Variants in EYS observed in about 807,000 individuals in gnomAD.
EYS encodes the protein protein eyes shut homolog.
Under a neutral mutation model 282.1 loss-of-function variants are expected in EYS, and 250 were observed. The observed-to-expected ratio is 0.89, with a 90% CI of 0.80 to 0.98. The LOEUF (loss-of-function observed/expected upper bound fraction) is 0.98, where lower values mean the gene tolerates loss of function less well. Among genes scored for constraint, EYS ranks in the 50% least tolerant of loss-of-function variants. EYS has a pLI of 0.00. For synonymous variants in EYS, 1,355 were observed against 1,282.9 expected (o/e 1.06, Z -1.20); for missense variants, 4,016 against 3,709.0 (o/e 1.08, Z -2.15).
chr6:64,550,314 T>C lies in EYS; in HGVS notation c.5644+39909A>G, dbSNP rs553879804. Among the ~76,000 whole-genome samples the C allele has an allele frequency of 7.2e-5, 11 of 152,330 alleles. No individual in the cohort carries two copies. The South Asian group carries it at 1.5e-3, about 20-fold the overall frequency. On this transcript the variant is annotated intron_variant, in intron 26 of 42. Transcript: ENST00000503581. ...CTAGATCCCTGAGGAATCGCCACTC[T>C]GACTTCCATAATGGTTGAACTTGTT...
intron 7 of EYS, among the ~76,000 whole-genome samples, chr6:65,395,431 A>T (rs1766244179): frequency 6.6e-6 from 1 of 152,178 alleles, no homozygotes; most frequent in African/African-American, 2.4e-5. Flanking sequence ...GTACAAATTT[A>T]AAGTGTAAAG....
rs201026865 is a variant in EYS at position 65,603,230 on chromosome 6, CT to C, written c.-333+36547del. ...CAGACAAATAAACACATGCATATAA[CT>C]TAGAGCTACAGGAATCCTAGTGTAA... On this transcript the variant is annotated intron_variant, in intron 2 of 42. Coordinates refer to ENST00000503581, the MANE Select transcript of EYS (RefSeq NM_001142800.2). Among the ~76,000 whole-genome samples the C allele has an allele frequency of 7.3e-3, 1,106 of 152,018 alleles. 11 individuals carry two copies. Among genetic ancestry groups the C allele is most frequent in the African/African-American group, 0.024 (981 of 41,520 alleles).
intron 12 of EYS, among the ~76,000 whole-genome samples, chr6:65,159,717 C>G (rs917609736): frequency 6.6e-6 from 1 of 150,850 alleles, no homozygotes; most frequent in Non-Finnish European, 1.5e-5. Context: ...TATACTCACT[C>G]ATATTAAGTT....
At chr6:64,889,652 T>C (rs1308496623) in intron 18 of EYS, among the ~76,000 whole-genome samples, 6 of 152,020 alleles carry the variant, frequency 3.9e-5, no homozygotes, top group African/African-American at 7.2e-5. Flanking sequence ...TAAACATAAA[T>C]TGTGAAGATT....
intron 19 of EYS, among the ~76,000 whole-genome samples, chr6:64,823,440 G>T (rs921840622): frequency 2.6e-5 from 4 of 151,708 alleles, no homozygotes; most frequent in Non-Finnish European, 4.4e-5. Flanking sequence ...AGAAAACACC[G>T]AGATGATAAC....
At chr6:64,786,539 C>T (rs1470749415) in intron 22 of EYS, among the ~76,000 whole-genome samples, 1 of 152,102 alleles carries the variant, frequency 6.6e-6, no homozygotes, top group Non-Finnish European at 1.5e-5. Context: ...TTGCCAGCAA[C>T]ATGTGGGGCA....
At chr6:64,158,088 T>C (rs951189892) in intron 31 of EYS, among the ~76,000 whole-genome samples, 4 of 152,174 alleles carry the variant, frequency 2.6e-5, no homozygotes, top group African/African-American at 9.7e-5. Flanking sequence ...ACCCACCCCT[T>C]GCATCAGTGT....
chr6:64,889,389 T>A (rs985736434), intron 18 of EYS, among the ~76,000 whole-genome samples: 23 of 152,090 alleles, frequency 1.5e-4, no homozygotes, highest in Non-Finnish European at 2.8e-4. Context: ...TGAAGATACA[T>A]GAAAGGATTC....
rs536030570 is a variant in EYS at position 64,857,219 on chromosome 6, G to A, written c.2992+29478C>T. On this transcript the variant is annotated intron_variant, in intron 19 of 42. Transcript: ENST00000503581. ...GATCCTTTTATCTAATACATGCACT[G>A]AATGCCATACATTTCCCTATAGGTA... 5.1e-4 allele frequency among the ~76,000 whole-genome samples: 78 copies of A among 152,220 alleles called. 1 individual carries two copies. The highest frequency in any genetic ancestry group is 1.8e-3 in the African/African-American group (75 of 41,548).
chr6:65,592,596 G>A (rs964101883), intron 2 of EYS, among the ~76,000 whole-genome samples: 42 of 151,812 alleles, frequency 2.8e-4, no homozygotes, highest in African/African-American at 8.9e-4. Flanking sequence ...AGGGGTAAAC[G>A]CCACTATTCT....
chr6:65,445,572 T>A (rs1768622340), intron 5 of EYS, among the ~76,000 whole-genome samples: 1 of 151,776 alleles, frequency 6.6e-6, no homozygotes, highest in South Asian at 2.1e-4. Flanking sequence ...AACTTACTTT[T>A]GATTATGAAA....
intron 31 of EYS, among the ~76,000 whole-genome samples, chr6:64,095,285 T>C (rs113337823): frequency 0.076 from 11,572 of 152,072 alleles, 1,381 homozygotes; most frequent in African/African-American, 0.25. Context: ...TGGTGCGGAG[T>C]TGAGTTCAAT....
chr6:63,859,641 GAAA>G (rs199714551), intron 36 of EYS, among the ~76,000 whole-genome samples: 2 of 94,310 alleles, frequency 2.1e-5, no homozygotes, highest in African/African-American at 7.8e-5. Flanking sequence ...ACTGCCACCA[GAAA>G]AAAAAAAAAA....
At chr6:65,328,146 A>G (rs1305666896) in intron 11 of EYS, among the ~76,000 whole-genome samples, 6 of 151,452 alleles carry the variant, frequency 4.0e-5, no homozygotes, top group Non-Finnish European at 7.4e-5. Flanking sequence ...TGTTCTGTGC[A>G]TTGAAAGATT....
intron 12 of EYS, among the ~76,000 whole-genome samples, chr6:65,176,767 TA>T (rs1285983020): frequency 3.3e-5 from 5 of 151,726 alleles, no homozygotes; most frequent in Non-Finnish European, 5.9e-5. Flanking sequence ...ATTTTGCAAT[TA>T]TTTTTTTAAA....
At chr6:64,833,969 C>T (rs1036278949) in intron 19 of EYS, among the ~76,000 whole-genome samples, 3 of 151,850 alleles carry the variant, frequency 2.0e-5, no homozygotes, top group African/African-American at 7.2e-5. Flanking sequence ...TTTAATTCTT[C>T]ATTTGAATGG....
chr6:64,734,564 T>A (rs1195155192), intron 22 of EYS, among the ~76,000 whole-genome samples: 1 of 152,220 alleles, frequency 6.6e-6, no homozygotes, highest in South Asian at 2.1e-4. Flanking sequence ...TTGTAAGTTG[T>A]TTATGACTAT....
intron 14 of EYS, among the ~76,000 whole-genome samples, chr6:64,948,590 T>A (rs1312711804): frequency 6.8e-6 from 1 of 146,772 alleles, no homozygotes; most frequent in African/African-American, 2.5e-5. Flanking sequence ...TATTAAGTAA[T>A]TATTAAATAT....
At chr6:64,049,309 C>A (rs1206803133) in intron 33 of EYS, among the ~76,000 whole-genome samples, 1 of 152,172 alleles carries the variant, frequency 6.6e-6, no homozygotes, top group Admixed American at 6.5e-5. Flanking sequence ...ATATATCCCT[C>A]TATTCATCCA....
Sources: gnomAD v4.1 joint callset for allele counts (sites outside exome capture counted in the v4.1 genomes callset) on GRCh38, gnomAD v4.1.1 for gene constraint, MANE v1.5 for transcripts, NCBI Gene and HGNC (gene_info 2026-07-23, HGNC 2026-07-21) for gene names.